OPHN1: variants seen among roughly 807,000 people sequenced by gnomAD.
OPHN1 encodes oligophrenin-1.
A neutral mutation model predicts 60.7 loss-of-function variants in OPHN1; 11 were observed. The observed-to-expected ratio is 0.18, with a 90% CI of 0.11 to 0.30. OPHN1 has a LOEUF of 0.30. Ranked by LOEUF, OPHN1 falls within the 10% of genes least tolerant of loss-of-function variation. OPHN1 has a pLI of 1.00. For missense variants in OPHN1, 449 were observed against 611.0 expected (o/e 0.73, Z 2.80); for synonymous variants, 226 against 222.6 (o/e 1.02, Z -0.14).
intron 15 of OPHN1, among the ~76,000 whole-genome samples, chrX:68,137,239 T>C (rs1330013813): frequency 9.0e-6 from 1 of 111,607 alleles, no homozygotes; most frequent in Non-Finnish European, 1.9e-5. Context: ...AAAGCCTGGG[T>C]AAAGACGTGT....
At chrX:68,048,382 C>T (rs986698480) in intron 24 of OPHN1, 34 bp downstream of exon 24, 5 of 1,178,032 alleles carry the variant, frequency 4.2e-6, no homozygotes, top group Non-Finnish European at 5.8e-6. Flanking sequence ...TTATGTGGAA[C>T]AAGATTTTGT....
In OPHN1 at chrX:68,064,158, T is replaced by A; in HGVS notation, c.1854A>T (p.Thr618=). The part of the protein sequence containing the change: ...DESEDEIQHQ[T]PNGTITSSIE... ...TGCTGCTGGTGATAGTACCATTCGG[T>A]GTTTGATGTTGGATTTCATCTAGGA... is the stretch of plus-strand genomic sequence containing the variant. Residue 618 remains threonine (T), a synonymous_variant, in exon 21 of 25, where the codon ACA becomes ACT. Coordinates refer to ENST00000355520, the MANE Select transcript of OPHN1 (RefSeq NM_002547.3). 1 of 1,211,089 alleles carries A rather than the reference T, an allele frequency of 8.3e-7. No individual in the cohort carries two copies. Among genetic ancestry groups the A allele is most frequent in the South Asian group, 1.8e-5 (1 of 56,870 alleles).
At chrX:68,296,455 C>T (rs1224086081) in intron 3 of OPHN1, among the ~76,000 whole-genome samples, 2 of 109,710 alleles carry the variant, frequency 1.8e-5, no homozygotes, top group Non-Finnish European at 3.8e-5. Flanking sequence ...GTCAGGTGTT[C>T]GAGACCAGCC....
At chrX:68,331,690 C>A (rs1342055015) in intron 2 of OPHN1, among the ~76,000 whole-genome samples, 2 of 103,405 alleles carry the variant, frequency 1.9e-5, no homozygotes, top group Non-Finnish European at 3.9e-5. Context: ...AAGATCGCAC[C>A]ACTGCATTCC....
intron 2 of OPHN1, among the ~76,000 whole-genome samples, chrX:68,300,419 A>T (rs2078114462): frequency 8.9e-6 from 1 of 112,762 alleles, no homozygotes; most frequent in African/African-American, 3.2e-5. Flanking sequence ...TATTATCAGA[A>T]TTTTAAGTCT....
At chrX:68,109,812 A>G (rs1229242090) in intron 18 of OPHN1, among the ~76,000 whole-genome samples, 2 of 111,149 alleles carry the variant, frequency 1.8e-5, no homozygotes, top group Non-Finnish European at 3.8e-5. Flanking sequence ...GTTCATAGAG[A>G]TCTTCCTCAT....
intron 3 of OPHN1, among the ~76,000 whole-genome samples, chrX:68,298,013 C>A (rs1214415519): frequency 9.0e-6 from 1 of 111,409 alleles, no homozygotes; most frequent in Non-Finnish European, 1.9e-5. Context: ...CTATAATAGG[C>A]ATTTATTAAT....
chrX:68,046,906 G>C lies in OPHN1; in HGVS notation c.*266C>G, dbSNP rs927742136. 5 of 111,640 alleles carry C rather than the reference G, an allele frequency of 4.5e-5. No individual in the cohort carries two copies. Among genetic ancestry groups the C allele is most frequent in the Non-Finnish European group, 9.4e-5 (5 of 53,157 alleles). The allele number at this position is 111,640 out of a possible 1,213,427, so 9.2% of individuals were successfully genotyped here. A position where few individuals can be genotyped will look rare whatever the true frequency, so the allele number is the denominator to read the frequency against. The stretch of plus-strand genomic sequence containing the variant: ...TCTTGGTTTTGGCAGAGTCTGGCTT[G>C]AGGGAGTCCAGCTCTTCACAGTGTT... On this transcript the variant is annotated 3_prime_UTR_variant, in exon 25 of 25. Coordinates refer to ENST00000355520, the MANE Select transcript of OPHN1 (RefSeq NM_002547.3).
At chrX:68,271,574 G>A (rs1413983060) in intron 5 of OPHN1, among the ~76,000 whole-genome samples, 5 of 110,286 alleles carry the variant, frequency 4.5e-5, no homozygotes, top group African/African-American at 1.3e-4. Context: ...TTAACACTCC[G>A]GATAGCAGAA....
intron 2 of OPHN1, among the ~76,000 whole-genome samples, chrX:68,378,903 C>T (rs2078577629): frequency 9.0e-6 from 1 of 111,430 alleles, no homozygotes; most frequent in Non-Finnish European, 1.9e-5. Context: ...TTAGGATTGA[C>T]TTGGCAATGC....
At chrX:68,116,106 C>G (rs181002666) in intron 16 of OPHN1, among the ~76,000 whole-genome samples, 1 of 111,181 alleles carries the variant, frequency 9.0e-6, no homozygotes, top group East Asian at 2.9e-4. Flanking sequence ...TTGTGGAGAC[C>G]AAGTTTTATT....
At chrX:68,145,153 C>A (rs767747178) in intron 15 of OPHN1, among the ~76,000 whole-genome samples, 12 of 111,579 alleles carry the variant, frequency 1.1e-4, no homozygotes, top group Non-Finnish European at 1.7e-4. Context: ...ATGAGGAATG[C>A]TAGATAACAA....
intron 21 of OPHN1, 48 bp from the exon 22 acceptor site, chrX:68,053,858 AC>A: frequency 8.5e-7 from 1 of 1,178,331 alleles, no homozygotes; most frequent in African/African-American, 1.8e-5. Flanking sequence ...GCCAAACAGA[AC>A]ACTACTCATG....
Position 68,307,264 on chromosome X carries a change from G to A in OPHN1, c.155-8168C>T, listed in dbSNP as rs1267937588. Among the ~76,000 whole-genome samples, 2 of 106,428 alleles carry A rather than the reference G, an allele frequency of 1.9e-5. 1 individual carries two copies. The highest frequency in any genetic ancestry group is 2.0e-4 in the Admixed American group (2 of 9,870). 92.4% of individuals were successfully genotyped at this position (106,428 alleles called of 115,157 possible). A position where few individuals can be genotyped will look rare whatever the true frequency, so the allele number is the denominator to read the frequency against. On this transcript the variant is annotated intron_variant, in intron 2 of 24. Coordinates refer to ENST00000355520, the MANE Select transcript of OPHN1 (RefSeq NM_002547.3). ...TCAAGAGCAGCCTAGGCAACATTGT[G>A]AGACCCTGTCTCTACCAAAAAAAAA...
intron 2 of OPHN1, among the ~76,000 whole-genome samples, chrX:68,411,632 T>C (rs1310358798): frequency 2.7e-4 from 30 of 112,029 alleles, no homozygotes; most frequent in Non-Finnish European, 5.1e-4. Context: ...TTCCTGCTTG[T>C]TAATTTGTTT....
intron 15 of OPHN1, among the ~76,000 whole-genome samples, chrX:68,147,374 AAC>A (rs1442317697): frequency 8.9e-6 from 1 of 112,109 alleles, no homozygotes; most frequent in Non-Finnish European, 1.9e-5. Context: ...TGATATGAGG[AAC>A]ACAGTTCTTG....
chrX:68,055,860 A>T (rs777937852), intron 21 of OPHN1, among the ~76,000 whole-genome samples: 49 of 111,580 alleles, frequency 4.4e-4, no homozygotes, highest in African/African-American at 1.5e-3. Flanking sequence ...AGGACAGAAA[A>T]CCAAACACCG....
chrX:68,386,701 C>T (rs2078625909), intron 2 of OPHN1, among the ~76,000 whole-genome samples: 1 of 112,076 alleles, frequency 8.9e-6, no homozygotes, highest in African/African-American at 3.2e-5. Flanking sequence ...TTCTAAGATT[C>T]ATTTGCTACC....
chrX:68,383,455 G>A (rs2078607823), intron 2 of OPHN1, among the ~76,000 whole-genome samples: 1 of 108,236 alleles, frequency 9.2e-6, no homozygotes, highest in African/African-American at 3.4e-5. Flanking sequence ...AAATTCGCCA[G>A]GCATGGTGAT....
Sources: allele counts gnomAD v4.1 joint callset (sites outside exome capture counted in the v4.1 genomes callset), GRCh38; gene constraint gnomAD v4.1.1; transcripts MANE v1.5; gene names NCBI Gene and HGNC (gene_info 2026-07-23, HGNC 2026-07-21).